The following AUTS2 variants were observed in gnomAD, a reference collection of about 807,000 sequenced individuals.
The protein encoded by AUTS2 is autism susceptibility gene 2 protein.
Under a neutral mutation model 112.4 loss-of-function variants are expected in AUTS2, and 17 were observed. That is an observed-to-expected ratio of 0.15 (90% CI 0.10 to 0.23). The LOEUF (loss-of-function observed/expected upper bound fraction) is 0.23. AUTS2 is among the 10% of genes least tolerant of loss of function. AUTS2 has a pLI of 1.00. For synonymous variants in AUTS2, 751 were observed against 702.7 expected, an observed-to-expected ratio of 1.07 and a Z score of -1.09; for missense variants, 1,510 against 1,701.6, an observed-to-expected ratio of 0.89 and a Z score of 1.98.
At chr7:69,912,310 A>T (rs965086906) in intron 2 of AUTS2, among the ~76,000 whole-genome samples, 2 of 150,326 alleles carry the variant, frequency 1.3e-5, no homozygotes, top group African/African-American at 5.0e-5. Flanking sequence ...GAGCTCAGGG[A>T]TGCCTGGGTC....
chr7:70,287,170 T>C (rs1788496975), intron 4 of AUTS2, among the ~76,000 whole-genome samples: 1 of 152,196 alleles, frequency 6.6e-6, no homozygotes, highest in East Asian at 1.9e-4. Context: ...GCTGGATCTC[T>C]GTATCTCTTC....
At chr7:70,055,204 G>A (rs1000050892) in intron 2 of AUTS2, among the ~76,000 whole-genome samples, 1 of 152,168 alleles carries the variant, frequency 6.6e-6, no homozygotes, top group Non-Finnish European at 1.5e-5. Flanking sequence ...GGAGGCCGAG[G>A]CGGGTGGATC....
chr7:70,065,115 C>T (rs1802427731), intron 2 of AUTS2, among the ~76,000 whole-genome samples: 2 of 152,252 alleles, frequency 1.3e-5, no homozygotes, highest in South Asian at 4.1e-4. Context: ...CACCCTAACA[C>T]AGCATCTGAA....
In AUTS2 at chr7:70,360,755, G is replaced by A. The variant is rs916485191; in HGVS notation, c.661-74997G>A. On this transcript the variant is annotated intron_variant, in intron 4 of 18. Transcript: ENST00000342771. ...AGCCAGGACCAGTGAGCTGCCATGT[G>A]GAGTGCTGCATCTCCCTGAAGGCTG... is the stretch of plus-strand genomic sequence containing the variant. Among the ~76,000 whole-genome samples, 6 of 152,300 alleles carry A rather than the reference G, an allele frequency of 3.9e-5. No individual in the cohort carries two copies. In the East Asian group the frequency reaches 7.7e-4, roughly 20 times the overall value.
intron 1 of AUTS2, among the ~76,000 whole-genome samples, chr7:69,897,311 A>G (rs1794789508): frequency 6.6e-6 from 1 of 152,160 alleles, no homozygotes; most frequent in African/African-American, 2.4e-5. Context: ...AATGTCATAA[A>G]CTGAGTAGCT....
intron 5 of AUTS2, among the ~76,000 whole-genome samples, chr7:70,516,747 A>G (rs1206151814): frequency 2.6e-5 from 4 of 152,246 alleles, no homozygotes; most frequent in South Asian, 4.1e-4. Flanking sequence ...CACTGTACAA[A>G]TATAACTTAT....
chr7:70,085,842 C>G (rs1401864202), intron 2 of AUTS2, among the ~76,000 whole-genome samples: 2 of 152,014 alleles, frequency 1.3e-5, no homozygotes, highest in South Asian at 2.1e-4. Context: ...AACCCAAGGC[C>G]CATGGGCCAA....
intron 2 of AUTS2, among the ~76,000 whole-genome samples, chr7:70,100,538 C>A (rs1180975419): frequency 6.6e-6 from 1 of 151,760 alleles, no homozygotes; most frequent in Admixed American, 6.6e-5. Flanking sequence ...ATCACCTCAT[C>A]ATTTACATTA....
intron 2 of AUTS2, among the ~76,000 whole-genome samples, chr7:70,071,562 A>G (rs575374958): frequency 3.9e-5 from 6 of 152,214 alleles, no homozygotes; most frequent in Non-Finnish European, 8.8e-5. Flanking sequence ...TCATTTTAGC[A>G]GGTGACTTGA....
chr7:70,775,172 G>A, intron 12 of AUTS2, 185 bp from the exon 13 acceptor site: 1 of 602,624 alleles, frequency 1.7e-6, no homozygotes, highest in Non-Finnish European at 2.9e-6. Flanking sequence ...TTGTGAAGTG[G>A]GGGAGGGGAC....
intron 5 of AUTS2, among the ~76,000 whole-genome samples, chr7:70,594,030 C>T (rs759669951): frequency 6.6e-6 from 1 of 152,170 alleles, no homozygotes; most frequent in African/African-American, 2.4e-5. Context: ...CAGTGTTGTG[C>T]CCTCAAGTGT....
intron 2 of AUTS2, among the ~76,000 whole-genome samples, chr7:70,001,777 C>A (rs1799207756): frequency 1.4e-5 from 2 of 145,848 alleles, no homozygotes; most frequent in Non-Finnish European, 3.0e-5. Flanking sequence ...GTGGCCTGAT[C>A]TCTGTTCACT....
chr7:69,724,546 A>G (rs1293696274), intron 1 of AUTS2, among the ~76,000 whole-genome samples: 1 of 152,192 alleles, frequency 6.6e-6, no homozygotes, highest in East Asian at 1.9e-4. Context: ...CTGCACTTTT[A>G]ACGGCACAGA....
chr7:69,987,107 A>G (rs1798542053), intron 2 of AUTS2, among the ~76,000 whole-genome samples: 1 of 152,208 alleles, frequency 6.6e-6, no homozygotes, highest in Non-Finnish European at 1.5e-5. Context: ...GCCATTTTAC[A>G]TCACACCATA....
chr7:70,329,066 CATA>C (rs1172572208), intron 4 of AUTS2, among the ~76,000 whole-genome samples: 1 of 152,138 alleles, frequency 6.6e-6, no homozygotes, highest in Non-Finnish European at 1.5e-5. Flanking sequence ...TTTCACTTAG[CATA>C]ATGTTTTGGA....
intron 2 of AUTS2, among the ~76,000 whole-genome samples, chr7:69,965,650 G>C (rs1012958209): frequency 2.6e-5 from 4 of 152,150 alleles, no homozygotes; most frequent in African/African-American, 9.7e-5. Flanking sequence ...AGAATACCTG[G>C]CTGCTGGAAA....
chr7:70,228,385 ATC>A (rs1382749727), intron 4 of AUTS2, among the ~76,000 whole-genome samples: 1 of 151,144 alleles, frequency 6.6e-6, no homozygotes, highest in African/African-American at 2.4e-5. Flanking sequence ...CAGTCTAACA[ATC>A]TCTTTTTTTT....
At chr7:69,610,648 G>A (rs1207760054) in intron 1 of AUTS2, among the ~76,000 whole-genome samples, 4 of 152,178 alleles carry the variant, frequency 2.6e-5, no homozygotes, top group Non-Finnish European at 5.9e-5. Flanking sequence ...CTTGGTCGGT[G>A]CTTCCAGGAA....
intron 1 of AUTS2, among the ~76,000 whole-genome samples, chr7:69,873,126 G>A (rs1339946151): frequency 6.6e-6 from 1 of 151,950 alleles, no homozygotes; most frequent in Non-Finnish European, 1.5e-5. Context: ...ATATTCTAAA[G>A]AGACTCTCTT....
Sources: gnomAD v4.1 joint callset for allele counts (sites outside exome capture counted in the v4.1 genomes callset) on GRCh38, gnomAD v4.1.1 for gene constraint, MANE v1.5 for transcripts, NCBI Gene and HGNC (gene_info 2026-07-23, HGNC 2026-07-21) for gene names.